The following TTC28 variants were observed in gnomAD, a reference collection of about 807,000 sequenced individuals.
TTC28 encodes the protein tetratricopeptide repeat protein 28.
TTC28 carries 61 observed loss-of-function variants against 198.0 expected under a neutral mutation model. That is an observed-to-expected ratio of 0.31 (90% CI 0.25 to 0.38). TTC28 has a LOEUF of 0.38. TTC28 is among the 10% of genes least tolerant of loss of function. The probability of loss-of-function intolerance (pLI) is 1.00; values close to 1 mark genes in which losing one functional copy is unlikely to be tolerated. For missense variants in TTC28, 2,678 were observed against 3,164.0 expected (o/e 0.85, Z 3.69); for synonymous variants, 1,171 against 1,297.8 (o/e 0.90, Z 2.10).
At chr22:28,618,094 G>A (rs2050930958) in intron 2 of TTC28, among the ~76,000 whole-genome samples, 1 of 152,036 alleles carries the variant, frequency 6.6e-6, no homozygotes, top group Non-Finnish European at 1.5e-5. Flanking sequence ...CCAACATGAT[G>A]AAACTCCATT....
rs549727391 is a variant in TTC28, at chr22:28,024,148, T to C, written c.4073+6078A>G. On this transcript the variant is annotated intron_variant, in intron 13 of 22. Coordinates refer to ENST00000397906, the MANE Select transcript of TTC28 (RefSeq NM_001145418.2). ...CTGAGCCTCAGGCGAGTGCACAGCC[T>C]GGGAGGGGAGAGGGCATGGACACAG... 1.0e-3 allele frequency among the ~76,000 whole-genome samples: 154 copies of C among 151,574 alleles called. 1 individual carries two copies. The highest frequency in any genetic ancestry group is 3.6e-3 in the African/African-American group (147 of 41,388).
chr22:28,388,764 A>G (rs1465143360), intron 2 of TTC28, among the ~76,000 whole-genome samples: 1 of 152,166 alleles, frequency 6.6e-6, no homozygotes, highest in Non-Finnish European at 1.5e-5. Flanking sequence ...GGTTTTCTAG[A>G]TATACAATCA....
chr22:28,398,448 AGAAGG>A (rs1177505621), intron 2 of TTC28, among the ~76,000 whole-genome samples: 1 of 152,222 alleles, frequency 6.6e-6, no homozygotes, highest in Non-Finnish European at 1.5e-5. Context: ...ATGAGCATAA[AGAAGG>A]GATGAAAGAT....
chr22:28,581,158 G>A (rs575655834), intron 2 of TTC28, among the ~76,000 whole-genome samples: 1 of 152,142 alleles, frequency 6.6e-6, no homozygotes, highest in South Asian at 2.1e-4. Flanking sequence ...TCTTGTGATA[G>A]TGAGTGAGTA....
chr22:28,391,961 A>G (rs1699823007), intron 2 of TTC28, among the ~76,000 whole-genome samples: 3 of 152,096 alleles, frequency 2.0e-5, no homozygotes. Context: ...TTTTTTCCCC[A>G]TCTTTGTGGT....
chr22:28,116,070 G>A (rs1332815360), intron 6 of TTC28, among the ~76,000 whole-genome samples: 1 of 152,124 alleles, frequency 6.6e-6, no homozygotes, highest in Non-Finnish European at 1.5e-5. Context: ...CAGAGAAATA[G>A]GTTCTATTGC....
chr22:27,988,114 A>T (rs1209451886), intron 21 of TTC28, among the ~76,000 whole-genome samples: 1 of 152,120 alleles, frequency 6.6e-6, no homozygotes, highest in Non-Finnish European at 1.5e-5. Context: ...CCAAGCTTCT[A>T]ATCCAAGGGG....
intron 12 of TTC28, among the ~76,000 whole-genome samples, chr22:28,059,281 A>G (rs568821535): frequency 1.3e-5 from 2 of 151,992 alleles, no homozygotes; most frequent in African/African-American, 4.8e-5. Context: ...TCATATTTTG[A>G]TATGTCAGTT....
At chr22:28,032,238 ATATATATATAAAAT>A (rs1939148373) in intron 12 of TTC28, among the ~76,000 whole-genome samples, 3 of 110,464 alleles carry the variant, frequency 2.7e-5, no homozygotes, top group South Asian at 6.1e-4. Context: ...TATATAAAAT[ATATATATATAAAAT>A]ATATATATAT....
intron 2 of TTC28, among the ~76,000 whole-genome samples, chr22:28,432,866 A>G (rs990599086): frequency 6.6e-6 from 1 of 152,160 alleles, no homozygotes; most frequent in Non-Finnish European, 1.5e-5. Flanking sequence ...GTTTGTGGTC[A>G]ACATCCTCTA....
At chr22:28,068,549 C>G (rs777313292) in intron 12 of TTC28, among the ~76,000 whole-genome samples, 2 of 152,156 alleles carry the variant, frequency 1.3e-5, no homozygotes, top group Middle Eastern at 3.4e-3. Context: ...GTTTATATTC[C>G]GAGGTCTCTA....
At chr22:27,995,023 TAC>T (rs1937527688) in intron 17 of TTC28, among the ~76,000 whole-genome samples, 1 of 152,148 alleles carries the variant, frequency 6.6e-6, no homozygotes, top group Non-Finnish European at 1.5e-5. Flanking sequence ...ACATACTGAC[TAC>T]TTTCAGGCCT....
intron 6 of TTC28, among the ~76,000 whole-genome samples, chr22:28,148,603 ACT>A (rs926530647): frequency 2.1e-5 from 3 of 142,932 alleles, no homozygotes; most frequent in African/African-American, 8.0e-5. Context: ...ACAGAATGAG[ACT>A]CTGTCTCAAA....
intron 2 of TTC28, among the ~76,000 whole-genome samples, chr22:28,622,914 C>T (rs954985418): frequency 9.2e-5 from 14 of 152,104 alleles, no homozygotes; most frequent in Middle Eastern, 3.4e-3. Context: ...TTCTGCCTCC[C>T]GGGTTCAAGC....
chr22:28,394,739 A>C (rs2046787466), intron 2 of TTC28, among the ~76,000 whole-genome samples: 1 of 152,118 alleles, frequency 6.6e-6, no homozygotes, highest in African/African-American at 2.4e-5. Flanking sequence ...AGTCTCCATA[A>C]TGAGGGTGGT....
At chr22:28,384,121 C>T (rs1043118809) in intron 2 of TTC28, among the ~76,000 whole-genome samples, 2 of 152,178 alleles carry the variant, frequency 1.3e-5, no homozygotes, top group Non-Finnish European at 2.9e-5. Context: ...ATGGCTTTTT[C>T]CCTTATTTCC....
At chr22:28,196,758 A>C (rs1925392373) in intron 5 of TTC28, among the ~76,000 whole-genome samples, 1 of 152,198 alleles carries the variant, frequency 6.6e-6, no homozygotes, top group Non-Finnish European at 1.5e-5. Flanking sequence ...GATCATTAAA[A>C]AGTCAGGAAA....
At chr22:28,168,777 C>A (rs1044623971) in intron 5 of TTC28, among the ~76,000 whole-genome samples, 66 of 152,294 alleles carry the variant, frequency 4.3e-4, no homozygotes, top group African/African-American at 1.4e-3. Flanking sequence ...GACTTCGTGT[C>A]TAAAACACCA....
chr22:28,183,767 T>C (rs1923929400), intron 5 of TTC28, among the ~76,000 whole-genome samples: 2 of 152,208 alleles, frequency 1.3e-5, no homozygotes, highest in Non-Finnish European at 2.9e-5. Context: ...ATGCCAATTA[T>C]CTATATGCAG....
Sources: gnomAD v4.1 joint callset for allele counts (sites outside exome capture counted in the v4.1 genomes callset) on GRCh38, gnomAD v4.1.1 for gene constraint, MANE v1.5 for transcripts, NCBI Gene and HGNC (gene_info 2026-07-23, HGNC 2026-07-21) for gene names.